The following CNTN3 variants were observed in gnomAD, a reference collection of about 807,000 sequenced individuals.
The protein encoded by CNTN3 is contactin 3.
A neutral mutation model predicts 119.1 loss-of-function variants in CNTN3; 60 were observed. That is an observed-to-expected ratio of 0.50 (90% confidence interval 0.41 to 0.62). The LOEUF is 0.62. Ranked by LOEUF, CNTN3 falls within the 20% of genes least tolerant of loss-of-function variation. The pLI is 0.00. For missense variants in CNTN3, 1,101 were observed against 1,242.4 expected (o/e 0.89, Z 1.71); for synonymous variants, 450 against 438.7 (o/e 1.03, Z -0.32).
At chr3:74,397,449 A>G (rs772131886) in intron 5 of CNTN3, among the ~76,000 whole-genome samples, 2 of 151,876 alleles carry the variant, frequency 1.3e-5, no homozygotes, top group African/African-American at 2.4e-5. Context: ...GTGCTCATAT[A>G]AGACGGCAAA....
chr3:74,567,053 G>A (rs977252738), intron 1 of CNTN3, among the ~76,000 whole-genome samples: 13 of 152,050 alleles, frequency 8.5e-5, no homozygotes, highest in South Asian at 2.1e-4. Flanking sequence ...GCTGGAGAGC[G>A]TAGCAGATAC....
intron 11 of CNTN3, among the ~76,000 whole-genome samples, chr3:74,348,807 C>A (rs1386410866): frequency 6.6e-6 from 1 of 152,140 alleles, no homozygotes; most frequent in Non-Finnish European, 1.5e-5. Context: ...TAGCAGGGCA[C>A]ATGGTGGCTC....
At chr3:74,396,985 T>C (rs934512373) in intron 5 of CNTN3, among the ~76,000 whole-genome samples, 1 of 152,132 alleles carries the variant, frequency 6.6e-6, no homozygotes, top group Non-Finnish European at 1.5e-5. Flanking sequence ...GTAGATGAAA[T>C]AGCCTTCTCT....
chr3:74,427,612 G>A (rs558468450), intron 4 of CNTN3, among the ~76,000 whole-genome samples: 1 of 152,084 alleles, frequency 6.6e-6, no homozygotes, highest in African/African-American at 2.4e-5. Flanking sequence ...AGATGATAAA[G>A]AACACCTACA....
intron 19 of CNTN3, 44 bp downstream of exon 19, chr3:74,295,076 TG>T: frequency 7.7e-7 from 1 of 1,294,270 alleles, no homozygotes; most frequent in Non-Finnish European, 1.1e-6. Context: ...GGAGACAAAG[TG>T]GCACGGTAAC....
At chr3:74,550,888 G>A (rs554388261) in intron 1 of CNTN3, among the ~76,000 whole-genome samples, 1 of 152,264 alleles carries the variant, frequency 6.6e-6, no homozygotes, top group East Asian at 1.9e-4. Flanking sequence ...CAAAATAAAT[G>A]CATGAATAGA....
chr3:74,277,663 C>A (rs2106765230), intron 20 of CNTN3, among the ~76,000 whole-genome samples: 1 of 152,210 alleles, frequency 6.6e-6, no homozygotes, highest in Non-Finnish European at 1.5e-5. Flanking sequence ...CCAAATTATA[C>A]TGAATAGGGA....
chr3:74,322,723 CA>C (rs964717727), intron 13 of CNTN3, among the ~76,000 whole-genome samples: 20 of 152,054 alleles, frequency 1.3e-4, no homozygotes, highest in African/African-American at 4.8e-4. Context: ...TCATAATTGC[CA>C]AAACATGGAA....
At chr3:74,603,700 T>C (rs970327245) in intron 1 of CNTN3, among the ~76,000 whole-genome samples, 2 of 152,114 alleles carry the variant, frequency 1.3e-5, no homozygotes, top group Admixed American at 6.6e-5. Flanking sequence ...ATCCTACGTT[T>C]ATGGACTAGA....
At chr3:74,269,490 G>A (rs1020740080) in intron 20 of CNTN3, among the ~76,000 whole-genome samples, 3 of 152,052 alleles carry the variant, frequency 2.0e-5, no homozygotes, top group Non-Finnish European at 4.4e-5. Flanking sequence ...ATTACAGAAT[G>A]TGCTTTAATA....
chr3:74,430,484 T>C (rs1381296334), intron 4 of CNTN3, among the ~76,000 whole-genome samples: 1 of 152,186 alleles, frequency 6.6e-6, no homozygotes, highest in Non-Finnish European at 1.5e-5. Flanking sequence ...GTTTTACAAC[T>C]GTAATCCCAG....
intron 1 of CNTN3, among the ~76,000 whole-genome samples, chr3:74,576,284 A>T (rs911975357): frequency 1.1e-4 from 16 of 152,202 alleles, no homozygotes; most frequent in African/African-American, 3.6e-4. Context: ...ATGTGAAAAC[A>T]ACACAGTCCC....
intron 13 of CNTN3, among the ~76,000 whole-genome samples, chr3:74,320,835 C>A (rs1395849394): frequency 6.6e-6 from 1 of 152,066 alleles, no homozygotes; most frequent in African/African-American, 2.4e-5. Context: ...ATGCCAGCCT[C>A]CTCTGATAAT....
chr3:74,566,584 G>A (rs1158288350), intron 1 of CNTN3, among the ~76,000 whole-genome samples: 1 of 151,962 alleles, frequency 6.6e-6, no homozygotes, highest in East Asian at 1.9e-4. Context: ...TCTTCACATG[G>A]TCCTCTTCCC....
chr3:74,553,886 T>C (rs1009534303), intron 1 of CNTN3, among the ~76,000 whole-genome samples: 7 of 152,214 alleles, frequency 4.6e-5, no homozygotes, highest in Admixed American at 3.3e-4. Flanking sequence ...ATTTTGATGA[T>C]AGTTTCTTTT....
chr3:74,587,359 A>C (rs1704612429), intron 1 of CNTN3, among the ~76,000 whole-genome samples: 2 of 152,106 alleles, frequency 1.3e-5, no homozygotes, highest in Non-Finnish European at 2.9e-5. Flanking sequence ...AGATGTGAGG[A>C]GAAGTGATTT....
chr3:74,413,615 C>T (rs1335586064), intron 5 of CNTN3, among the ~76,000 whole-genome samples: 1 of 152,058 alleles, frequency 6.6e-6, no homozygotes, highest in Non-Finnish European at 1.5e-5. Flanking sequence ...AAAATAATTG[C>T]CCAAGCCTCA....
chr3:74,327,960 C>T (rs1703170753), intron 13 of CNTN3, among the ~76,000 whole-genome samples: 1 of 151,402 alleles, frequency 6.6e-6, no homozygotes, highest in South Asian at 2.1e-4. Flanking sequence ...CTTTATTCTT[C>T]ATTGGTATAT....
At chr3:74,353,164 T>A (rs113545768) in intron 11 of CNTN3, among the ~76,000 whole-genome samples, 367 of 152,256 alleles carry the variant, frequency 2.4e-3, no homozygotes, top group African/African-American at 8.2e-3. Flanking sequence ...CAAGGGGAAG[T>A]GCCACCTAAA....
Sources: allele counts gnomAD v4.1 joint callset (sites outside exome capture counted in the v4.1 genomes callset), GRCh38; gene constraint gnomAD v4.1.1; transcripts MANE v1.5; gene names NCBI Gene and HGNC (gene_info 2026-07-23, HGNC 2026-07-21).